Variants in LRRC4C observed in about 807,000 individuals in gnomAD.
The protein encoded by LRRC4C is leucine rich repeat containing 4C.
A neutral mutation model predicts 33.6 loss-of-function variants in LRRC4C; 5 were observed. The ratio of observed to expected loss-of-function variants is 0.15; its 90% confidence interval spans 0.08 to 0.31. The LOEUF (loss-of-function observed/expected upper bound fraction) is 0.31, where lower values mean the gene tolerates loss of function less well. LRRC4C is among the 10% of genes least tolerant of loss of function. The probability of loss-of-function intolerance (pLI) is 1.00; values close to 1 mark genes in which losing one functional copy is unlikely to be tolerated. For synonymous variants in LRRC4C, 329 were observed against 302.0 expected, an observed-to-expected ratio of 1.09 and a Z score of -0.93; for missense variants, 560 against 796.7, an observed-to-expected ratio of 0.70 and a Z score of 3.58.
At chr11:40,550,821 A>T (rs1957101814) in intron 3 of LRRC4C, among the ~76,000 whole-genome samples, 1 of 150,168 alleles carries the variant, frequency 6.7e-6, no homozygotes, top group Middle Eastern at 3.4e-3. Context: ...AAAAAAAAAT[A>T]CCTAAGAGAA....
At chr11:40,823,585 G>A (rs1243074042) in intron 2 of LRRC4C, among the ~76,000 whole-genome samples, 1 of 151,574 alleles carries the variant, frequency 6.6e-6, no homozygotes, top group African/African-American at 2.4e-5. Context: ...TAGCTAATTG[G>A]CACATGAAAA....
chr11:41,278,748 G>T (rs1171223054), intron 1 of LRRC4C, among the ~76,000 whole-genome samples: 1 of 152,224 alleles, frequency 6.6e-6, no homozygotes, highest in Non-Finnish European at 1.5e-5. Context: ...CTTACCAACA[G>T]TTGTGAGTTG....
chr11:40,436,959 A>T (rs1024599218), intron 3 of LRRC4C, among the ~76,000 whole-genome samples: 2 of 152,188 alleles, frequency 1.3e-5, no homozygotes, highest in African/African-American at 4.8e-5. Context: ...GTTTGGGATC[A>T]GTAGTTCGAG....
intron 2 of LRRC4C, among the ~76,000 whole-genome samples, chr11:40,757,093 TTCCC>T (rs1201292958): frequency 6.6e-6 from 1 of 152,024 alleles, no homozygotes; most frequent in Non-Finnish European, 1.5e-5. Context: ...CCTTTCCCCT[TTCCC>T]CATGCCAACT....
intron 5 of LRRC4C, among the ~76,000 whole-genome samples, chr11:40,152,278 G>T (rs189780395): frequency 2.0e-3 from 298 of 152,332 alleles, no homozygotes; most frequent in African/African-American, 6.6e-3. Context: ...AGGGGCAGAA[G>T]AAATAGCAGA....
intron 2 of LRRC4C, among the ~76,000 whole-genome samples, chr11:40,699,395 T>A (rs1220253931): frequency 2.0e-5 from 3 of 152,164 alleles, no homozygotes; most frequent in Non-Finnish European, 4.4e-5. Context: ...TACTATTTTT[T>A]AAAAATCATT....
intron 1 of LRRC4C, among the ~76,000 whole-genome samples, chr11:41,050,277 C>T (rs923544567): frequency 3.3e-5 from 5 of 152,104 alleles, no homozygotes; most frequent in African/African-American, 1.2e-4. Flanking sequence ...ATCCCTTAAA[C>T]AGGTACAATG....
intron 3 of LRRC4C, among the ~76,000 whole-genome samples, chr11:40,508,703 T>C (rs1180890136): frequency 1.3e-5 from 2 of 152,184 alleles, no homozygotes. Context: ...AATGAATTGT[T>C]ATGCTTTGTG....
chr11:40,792,280 T>G (rs932803081), intron 2 of LRRC4C, among the ~76,000 whole-genome samples: 3 of 152,158 alleles, frequency 2.0e-5, no homozygotes, highest in Admixed American at 2.0e-4. Context: ...AAATCAATAT[T>G]TTCTTTATTA....
chr11:40,156,872 A>G (rs1590557976), intron 5 of LRRC4C, among the ~76,000 whole-genome samples: 2 of 152,306 alleles, frequency 1.3e-5, no homozygotes, highest in South Asian at 4.1e-4. Flanking sequence ...CACAATTTCC[A>G]TCAAAATACC....
chr11:41,217,846 T>C (rs953660312), intron 1 of LRRC4C, among the ~76,000 whole-genome samples: 1 of 152,078 alleles, frequency 6.6e-6, no homozygotes, highest in African/African-American at 2.4e-5. Context: ...TAAAAAAATT[T>C]AAAAACTAAA....
At chr11:40,241,742 G>A (rs529409703) in intron 4 of LRRC4C, 144 bp from the exon 5 acceptor site, 10 of 152,280 alleles carry the variant, frequency 6.6e-5, no homozygotes, top group African/African-American at 1.9e-4. Context: ...ATTTTTAAAT[G>A]GCACTTGGCA....
chr11:41,411,730 C>T (rs912585767), intron 1 of LRRC4C, among the ~76,000 whole-genome samples: 5 of 152,142 alleles, frequency 3.3e-5, no homozygotes, highest in Admixed American at 1.3e-4. Context: ...GAAGTTTGCA[C>T]GTTCTCCTGC....
At chr11:40,781,589 C>A (rs751439385) in intron 2 of LRRC4C, among the ~76,000 whole-genome samples, 1 of 152,146 alleles carries the variant, frequency 6.6e-6, no homozygotes, top group African/African-American at 2.4e-5. Flanking sequence ...GTTCCTTTAC[C>A]TACAAGCACA....
intron 1 of LRRC4C, among the ~76,000 whole-genome samples, chr11:41,218,998 C>G (rs768403187): frequency 6.6e-6 from 1 of 151,872 alleles, no homozygotes; most frequent in Non-Finnish European, 1.5e-5. Context: ...GTCTCAATCT[C>G]CTGACCTCAT....
chr11:41,157,540 G>A (rs1944288445), intron 1 of LRRC4C, among the ~76,000 whole-genome samples: 1 of 151,994 alleles, frequency 6.6e-6, no homozygotes, highest in Non-Finnish European at 1.5e-5. Context: ...TCCACTATTG[G>A]CAGAAGTAAC....
intron 3 of LRRC4C, among the ~76,000 whole-genome samples, chr11:40,474,105 T>C (rs1289545657): frequency 2.6e-5 from 4 of 152,098 alleles, no homozygotes; most frequent in African/African-American, 9.7e-5. Flanking sequence ...AAAGAGTACT[T>C]TAAATTTCAT....
chr11:40,566,474 T>G (rs1957773561), intron 3 of LRRC4C, among the ~76,000 whole-genome samples: 1 of 152,126 alleles, frequency 6.6e-6, no homozygotes, highest in Admixed American at 6.5e-5. Flanking sequence ...TGATGTGATC[T>G]ATAACAAATT....
intron 3 of LRRC4C, among the ~76,000 whole-genome samples, chr11:40,617,900 GA>G (rs1443096377): frequency 1.2e-4 from 18 of 151,640 alleles, no homozygotes; most frequent in Non-Finnish European, 2.1e-4. Flanking sequence ...ACTTACTGAG[GA>G]AGCAAGAGAC....
Sources: allele counts gnomAD v4.1 joint callset (sites outside exome capture counted in the v4.1 genomes callset), GRCh38; gene constraint gnomAD v4.1.1; transcripts MANE v1.5; gene names NCBI Gene and HGNC (gene_info 2026-07-23, HGNC 2026-07-21).